PRKCH: variants seen among roughly 807,000 people sequenced by gnomAD.
The protein encoded by PRKCH is protein kinase C eta type.
In PRKCH, 28 loss-of-function variants were observed where a neutral mutation model predicts 82.5. The observed-to-expected ratio is 0.34, with a 90% CI of 0.25 to 0.47. PRKCH has a LOEUF of 0.47. PRKCH is among the 20% of genes least tolerant of loss of function. The probability of loss-of-function intolerance (pLI) is 1.00; values close to 1 mark genes in which losing one functional copy is unlikely to be tolerated. For missense variants in PRKCH, 705 were observed against 881.8 expected, an observed-to-expected ratio of 0.80 and a Z score of 2.54; for synonymous variants, 322 against 327.4, an observed-to-expected ratio of 0.98 and a Z score of 0.18.
intron 7 of PRKCH, among the ~76,000 whole-genome samples, chr14:61,454,151 C>G (rs893976689): frequency 2.0e-5 from 3 of 151,568 alleles, no homozygotes; most frequent in Admixed American, 6.6e-5. Flanking sequence ...CTTTGTCACC[C>G]AGCCTGGAGT....
intron 2 of PRKCH, among the ~76,000 whole-genome samples, chr14:61,433,850 T>C (rs991012263): frequency 5.9e-5 from 9 of 152,244 alleles, no homozygotes; most frequent in African/African-American, 1.9e-4. Context: ...ATATTTGGCA[T>C]GTACACCAGG....
intron 1 of PRKCH, among the ~76,000 whole-genome samples, chr14:61,237,641 A>G (rs1483754933): frequency 6.6e-6 from 1 of 152,172 alleles, no homozygotes; most frequent in African/African-American, 2.4e-5. Context: ...TCTTTCAATC[A>G]ATCGTCAATC....
intron 2 of PRKCH, among the ~76,000 whole-genome samples, chr14:61,400,822 T>C (rs540209535): frequency 2.6e-5 from 4 of 152,306 alleles, no homozygotes; most frequent in South Asian, 2.1e-4. Flanking sequence ...ATTCTCAGTA[T>C]GCAAATGGTG....
In PRKCH at chr14:61,215,616, G is replaced by A. The variant is rs1256509586; in HGVS notation, c.-19+27948G>A. On this transcript the variant is annotated intron_variant, in intron 1 of 3. Coordinates refer to the PRKCH transcript ENST00000555185. Reference sequence around the variant, plus strand: ...TGCTCAATAAATATTTATATTTATTGGTTAAATAAAATATTTATGAACAAT... The same window carrying A: ...TGCTCAATAAATATTTATATTTATTAGTTAAATAAAATATTTATGAACAAT... Among the ~76,000 whole-genome samples the A allele has an allele frequency of 2.0e-5, 3 of 152,128 alleles. No individual in the cohort carries two copies. In the South Asian group the frequency reaches 6.2e-4, roughly 32 times the overall value.
At chr14:61,216,451 T>C (rs990330312) in intron 1 of PRKCH, among the ~76,000 whole-genome samples, 14 of 150,536 alleles carry the variant, frequency 9.3e-5, no homozygotes, top group African/African-American at 3.4e-4. Context: ...GCCTGTGTGA[T>C]AGAGCAAGAC....
intron 2 of PRKCH, among the ~76,000 whole-genome samples, chr14:61,433,877 G>A (rs1240018896): frequency 2.0e-5 from 3 of 152,172 alleles, no homozygotes; most frequent in Non-Finnish European, 4.4e-5. Flanking sequence ...AGTGATTATT[G>A]ATGTAATAAG....
chr14:61,224,026 G>A (rs2140054475), intron 1 of PRKCH, among the ~76,000 whole-genome samples: 2 of 152,292 alleles, frequency 1.3e-5, no homozygotes, highest in East Asian at 3.9e-4. Flanking sequence ...TCTTTAAGCA[G>A]ATAATACAGT....
In PRKCH at chr14:61,522,745, A is replaced by T. The variant is rs2042921905; in HGVS notation, c.1434-6330A>T. On this transcript the variant is annotated intron_variant, in intron 10 of 13. Transcript: ENST00000332981. ...GATCTGTCTGCTTCTCCCACCAGAC[A>T]TTAACCCCCTTGTGGGTAGAGATGG... 5.3e-5 allele frequency among the ~76,000 whole-genome samples: 8 copies of T among 152,354 alleles called. No individual in the cohort carries two copies. The South Asian group carries it at 1.7e-3, about 32-fold the overall frequency.
intron 1 of PRKCH, among the ~76,000 whole-genome samples, chr14:61,370,536 TC>T (rs1475172085): frequency 6.6e-6 from 1 of 152,086 alleles, no homozygotes; most frequent in Non-Finnish European, 1.5e-5. Flanking sequence ...TTAAACCTGC[TC>T]CAAATCTTTG....
At chr14:61,428,110 C>CATATATATAT (rs1435502380) in intron 2 of PRKCH, among the ~76,000 whole-genome samples, 1 of 75,442 alleles carries the variant, frequency 1.3e-5, no homozygotes, top group African/African-American at 5.3e-5. Flanking sequence ...TATATATACA[C>CATATATATAT]ACATATATAT....
At chr14:61,461,163 C>T (rs533689350) in intron 9 of PRKCH, among the ~76,000 whole-genome samples, 2 of 152,316 alleles carry the variant, frequency 1.3e-5, no homozygotes, top group Non-Finnish European at 2.9e-5. Flanking sequence ...TGCCCCCATC[C>T]TCTGCTTTCC....
At chr14:61,435,188 C>A (rs976225022) in intron 2 of PRKCH, among the ~76,000 whole-genome samples, 1 of 152,178 alleles carries the variant, frequency 6.6e-6, no homozygotes, top group Non-Finnish European at 1.5e-5. Context: ...ATACGCTTAT[C>A]GTTGGTTTCC....
chr14:61,370,232 C>T (rs573522221), intron 1 of PRKCH, among the ~76,000 whole-genome samples: 4 of 152,100 alleles, frequency 2.6e-5, no homozygotes, highest in Non-Finnish European at 5.9e-5. Flanking sequence ...CGTGAGCCAC[C>T]GCACCCGGCC....
intron 12 of PRKCH, among the ~76,000 whole-genome samples, chr14:61,542,516 T>TA (rs546619826): frequency 2.2e-4 from 33 of 151,702 alleles, no homozygotes; most frequent in African/African-American, 7.0e-4. Flanking sequence ...TCTCAGAAAT[T>TA]AAAAAAAAGC....
At chr14:61,256,906 T>C (rs1458727330) in intron 1 of PRKCH, among the ~76,000 whole-genome samples, 1 of 152,212 alleles carries the variant, frequency 6.6e-6, no homozygotes, top group African/African-American at 2.4e-5. Flanking sequence ...TTGGTTGAGC[T>C]GATGGTCTCC....
chr14:61,482,974 C>T lies in PRKCH; in HGVS notation c.1279-2528C>T, dbSNP rs144857169. On this transcript the variant is annotated intron_variant, in intron 9 of 13. Transcript: ENST00000332981. ...TAAGGAATGGCCACTTCCCCACTGA[C>T]CCAGTTCCAGTAGCCAGGTGTTCAG... is the stretch of plus-strand genomic sequence containing the variant. Among the ~76,000 whole-genome samples the T allele has an allele frequency of 1.9e-3, 282 of 152,358 alleles. 4 individuals are homozygous for T. The highest frequency in any genetic ancestry group is 6.4e-3 in the African/African-American group (266 of 41,576).
intron 1 of PRKCH, among the ~76,000 whole-genome samples, chr14:61,217,910 C>T (rs2044626626): frequency 6.6e-6 from 1 of 152,138 alleles, no homozygotes; most frequent in Non-Finnish European, 1.5e-5. Context: ...TGCTAAATCT[C>T]ATGCAAAGAC....
At chr14:61,383,365 G>A (rs772975354) in intron 1 of PRKCH, among the ~76,000 whole-genome samples, 3 of 152,130 alleles carry the variant, frequency 2.0e-5, no homozygotes, top group East Asian at 1.9e-4. Context: ...GGAACTCTGC[G>A]AGGCTCCTTG....
At chr14:61,387,492 G>A (rs1005038800) in intron 1 of PRKCH, among the ~76,000 whole-genome samples, 2 of 152,228 alleles carry the variant, frequency 1.3e-5, no homozygotes, top group Admixed American at 1.3e-4. Context: ...AGGTAAATGA[G>A]TGGAAATTAT....
Sources: gnomAD v4.1 joint callset for allele counts (sites outside exome capture counted in the v4.1 genomes callset) on GRCh38, gnomAD v4.1.1 for gene constraint, MANE v1.5 for transcripts, NCBI Gene and HGNC (gene_info 2026-07-23, HGNC 2026-07-21) for gene names.